MED13: variants seen among roughly 807,000 people sequenced by gnomAD.
MED13 encodes mediator of RNA polymerase II transcription subunit 13.
In MED13, 23 loss-of-function variants were observed where a neutral mutation model predicts 225.2. That is an observed-to-expected ratio of 0.10 (90% confidence interval 0.07 to 0.14). MED13 has a LOEUF of 0.14. Among genes scored for constraint, MED13 ranks in the 10% least tolerant of loss-of-function variants. MED13 has a pLI of 1.00. For missense variants in MED13, 2,197 were observed against 2,594.5 expected, an observed-to-expected ratio of 0.85 and a Z score of 3.33; for synonymous variants, 942 against 889.2, an observed-to-expected ratio of 1.06 and a Z score of -1.06.
chr17:62,024,028 T>TA (rs1306646200), intron 8 of MED13, among the ~76,000 whole-genome samples: 1 of 152,034 alleles, frequency 6.6e-6, no homozygotes, highest in African/African-American at 2.4e-5. Flanking sequence ...AATGACTTTT[T>TA]TTTTTTTGAG....
chr17:61,994,051 T>C (rs1241362942), intron 10 of MED13, among the ~76,000 whole-genome samples: 1 of 152,032 alleles, frequency 6.6e-6, no homozygotes, highest in African/African-American at 2.4e-5. Flanking sequence ...CAGGCAGAAG[T>C]TCACTGGCAT....
intron 28 of MED13, among the ~76,000 whole-genome samples, chr17:61,949,020 G>A (rs1330189532): frequency 1.3e-5 from 2 of 150,530 alleles, no homozygotes; most frequent in South Asian, 2.1e-4. Flanking sequence ...CCCGGGAGGC[G>A]GAGCTTGCAG....
intron 8 of MED13, among the ~76,000 whole-genome samples, chr17:62,023,812 T>C (rs866902659): frequency 3.4e-4 from 52 of 152,312 alleles, no homozygotes; most frequent in African/African-American, 1.2e-3. Flanking sequence ...CTGTCTTACC[T>C]TCACTTAAGA....
intron 3 of MED13, among the ~76,000 whole-genome samples, chr17:62,035,893 A>G (rs1316137229): frequency 6.6e-6 from 1 of 152,196 alleles, no homozygotes; most frequent in East Asian, 1.9e-4. Flanking sequence ...AAGTTAAAAT[A>G]GAAGAGTAGG....
chr17:62,033,710 G>C (rs2080777456), intron 5 of MED13, 77 bp downstream of exon 5: 4 of 1,382,890 alleles, frequency 2.9e-6, no homozygotes, highest in Non-Finnish European at 4.0e-6. Flanking sequence ...TATTAGACTT[G>C]TTTGTTATTC....
intron 16 of MED13, among the ~76,000 whole-genome samples, chr17:61,977,894 T>C (rs1359148256): frequency 1.3e-5 from 2 of 152,192 alleles, no homozygotes; most frequent in Non-Finnish European, 2.9e-5. Context: ...CCCAGCCCCA[T>C]TTCTCTCTTT....
chr17:61,956,335 T>A lies in MED13; in HGVS notation c.5623+4A>T. The A allele has an allele frequency of 6.2e-7, 1 of 1,605,114 alleles. No homozygotes were observed. Among genetic ancestry groups the A allele is most frequent in the Non-Finnish European group, 8.5e-7 (1 of 1,177,540 alleles). ...TATAAATACTAATAAAAGCACAATT[T>A]TACCTTTCAATTCTCCATGACCAAT... is the stretch of plus-strand genomic sequence containing the variant. On this transcript the variant is annotated splice_donor_region_variant and intron_variant, in intron 24 of 29. Coordinates refer to ENST00000397786, the MANE Select transcript of MED13 (RefSeq NM_005121.3).
At chr17:62,004,736 C>T (rs183505743) in intron 9 of MED13, 1 of 152,266 alleles carries the variant, frequency 6.6e-6, no homozygotes, top group East Asian at 1.9e-4. Context: ...CAATATTTTA[C>T]TTGCAATGAT....
intron 8 of MED13, among the ~76,000 whole-genome samples, chr17:62,021,990 A>G (rs1407524690): frequency 6.6e-6 from 1 of 151,924 alleles, no homozygotes; most frequent in Non-Finnish European, 1.5e-5. Flanking sequence ...AACATGGTAA[A>G]ACCCCATCTC....
chr17:61,971,686 C>G (rs2080110547), intron 17 of MED13, among the ~76,000 whole-genome samples: 1 of 152,138 alleles, frequency 6.6e-6, no homozygotes, highest in African/African-American at 2.4e-5. Flanking sequence ...GTAATCCCAG[C>G]ACTTAGGGAG....
intron 26 of MED13, among the ~76,000 whole-genome samples, chr17:61,953,998 A>G (rs1281192725): frequency 6.6e-6 from 1 of 152,210 alleles, no homozygotes; most frequent in African/African-American, 2.4e-5. Context: ...CAACGAGAAT[A>G]TTAGAACAAT....
intron 8 of MED13, among the ~76,000 whole-genome samples, chr17:62,028,213 T>C (rs1026654563): frequency 3.3e-5 from 5 of 152,150 alleles, no homozygotes; most frequent in Non-Finnish European, 7.4e-5. Context: ...TGGAATACTG[T>C]GCAGCCATAA....
At chr17:61,971,642 T>C (rs908839789) in intron 17 of MED13, among the ~76,000 whole-genome samples, 6 of 152,108 alleles carry the variant, frequency 3.9e-5, no homozygotes, top group Admixed American at 3.9e-4. Flanking sequence ...TATACTAAAA[T>C]ATATTTTCTG....
chr17:62,029,495 A>G lies in MED13; in HGVS notation c.1283+46T>C, dbSNP rs943076548. 2.8e-6 allele frequency: 4 copies of G among 1,433,250 alleles called. No homozygotes were observed. In the African/African-American group the frequency reaches 4.2e-5, roughly 15 times the overall value. 88.8% of individuals were successfully genotyped at this position (1,433,250 alleles called of 1,614,324 possible). On this transcript the variant is annotated intron_variant, in intron 8 of 29. Transcript: ENST00000397786. ...AGTGGGCATAAGCATTCAGTGGCGT[A>G]ACAAACTATCACACATAGGCATCAA...
chr17:61,961,280 G>A (rs1255004327), intron 22 of MED13, among the ~76,000 whole-genome samples, 190 bp from the exon 23 acceptor site: 17 of 152,040 alleles, frequency 1.1e-4, no homozygotes, highest in Admixed American at 1.1e-3. Context: ...TGTAATCCCA[G>A]CACTTTGGGA....
At position 61,982,290 on chromosome 17, in the gene MED13, T is replaced by C. The variant is rs1285349822; in HGVS notation, c.3713A>G (p.His1238Arg). 1.9e-6 allele frequency: 3 copies of C among 1,614,228 alleles called. No individual in the cohort carries two copies. The highest frequency in any genetic ancestry group is 1.1e-5 in the South Asian group (1 of 91,082). ...CCNDCYLALE[H>R]GRQFMDNMSG... Reference sequence around the variant, plus strand: ...CATGTTATCCATGAACTGACGCCCATGTTCTAATGCAAGGTAGCAGTCATT... The same window carrying C: ...CATGTTATCCATGAACTGACGCCCACGTTCTAATGCAAGGTAGCAGTCATT... Residue 1238 changes from histidine (H) to arginine (R), a missense_variant, in exon 16 of 30, where the codon CAT becomes CGT. His to Arg is a conservative substitution (Grantham distance 29, BLOSUM62 0). This residue lies in a region of MED13 where 203 missense variants were observed against 209.7 expected (regional missense o/e 0.97). Transcript: ENST00000397786.
chr17:62,049,318 T>C (rs921166662), intron 3 of MED13, among the ~76,000 whole-genome samples: 11 of 152,140 alleles, frequency 7.2e-5, no homozygotes, highest in South Asian at 2.1e-4. Flanking sequence ...TTCTAATAGA[T>C]AGTCTACTGA....
intron 16 of MED13, among the ~76,000 whole-genome samples, chr17:61,978,660 G>C (rs2080177901): frequency 6.6e-6 from 1 of 151,936 alleles, no homozygotes; most frequent in African/African-American, 2.4e-5. Flanking sequence ...GTAGTATATA[G>C]TGCTAGAGTC....
At chr17:62,026,546 C>T (rs552898250) in intron 8 of MED13, among the ~76,000 whole-genome samples, 85 of 149,778 alleles carry the variant, frequency 5.7e-4, no homozygotes, top group African/African-American at 2.1e-3. Context: ...ATAAGAATGC[C>T]TCCTCTCACT....
Sources: gnomAD v4.1 joint callset for allele counts (sites outside exome capture counted in the v4.1 genomes callset) on GRCh38, gnomAD v4.1.1 for gene constraint, gnomAD v4.1.1 regional missense constraint, MANE v1.5 for transcripts, NCBI Gene and HGNC (gene_info 2026-07-23, HGNC 2026-07-21) for gene names.